Variants in RBFOX1 observed in about 807,000 individuals in gnomAD.
RBFOX1 encodes RNA binding protein fox-1 homolog 1.
Under a neutral mutation model 57.7 loss-of-function variants are expected in RBFOX1, and 8 were observed. The observed-to-expected ratio is 0.14, with a 90% CI of 0.08 to 0.25. The LOEUF (loss-of-function observed/expected upper bound fraction) is 0.25, where lower values mean the gene tolerates loss of function less well. Among genes scored for constraint, RBFOX1 ranks in the 10% least tolerant of loss-of-function variants. RBFOX1 has a pLI of 1.00. For missense variants in RBFOX1, 611 were observed against 548.5 expected (o/e 1.11, Z -1.14); for synonymous variants, 326 against 222.4 (o/e 1.47, Z -4.15).
intron 3 of RBFOX1, among the ~76,000 whole-genome samples, chr16:5,629,882 G>A (rs1483015429): frequency 6.6e-6 from 1 of 152,158 alleles, no homozygotes; most frequent in South Asian, 2.1e-4. Flanking sequence ...TCTTGAGTAG[G>A]AAAGTACCCA....
intron 4 of RBFOX1, among the ~76,000 whole-genome samples, chr16:7,156,511 A>G (rs555054560): frequency 2.0e-5 from 3 of 152,264 alleles, no homozygotes; most frequent in South Asian, 4.1e-4. Flanking sequence ...ATACATGTAC[A>G]CATGCATGTA....
intron 2 of RBFOX1, among the ~76,000 whole-genome samples, chr16:6,592,690 C>G (rs895813828): frequency 6.6e-6 from 1 of 152,152 alleles, no homozygotes; most frequent in Admixed American, 6.5e-5. Context: ...TCATAGTCCC[C>G]TGAGAAATGT....
intron 4 of RBFOX1, among the ~76,000 whole-genome samples, chr16:7,443,173 C>T (rs951562452): frequency 7.9e-5 from 12 of 152,204 alleles, no homozygotes; most frequent in African/African-American, 1.9e-4. Context: ...ATTCTAGGAT[C>T]GCGTGGTACA....
intron 1 of RBFOX1, among the ~76,000 whole-genome samples, chr16:5,425,753 G>A (rs553209408): frequency 3.3e-5 from 5 of 152,304 alleles, no homozygotes; most frequent in South Asian, 2.1e-4. Flanking sequence ...GGTCCACACT[G>A]TCCTCAGGTT....
At chr16:6,553,279 T>C (rs74005277) in intron 2 of RBFOX1, among the ~76,000 whole-genome samples, 1 of 152,178 alleles carries the variant, frequency 6.6e-6, no homozygotes, top group Non-Finnish European at 1.5e-5. Context: ...TTGCCACCGA[T>C]TTAGAGCAGA....
intron 1 of RBFOX1, among the ~76,000 whole-genome samples, chr16:6,192,480 C>T (rs2097148182): frequency 6.6e-6 from 1 of 152,026 alleles, no homozygotes; most frequent in Admixed American, 6.6e-5. Context: ...TTTCCCCTTC[C>T]TTCCTCCCAA....
intron 2 of RBFOX1, among the ~76,000 whole-genome samples, chr16:6,451,552 A>G (rs76402863): frequency 6.6e-6 from 1 of 152,058 alleles, no homozygotes; most frequent in Non-Finnish European, 1.5e-5. Flanking sequence ...GGAAGATCTG[A>G]TGTGTGTTTT....
At chr16:6,643,769 C>T (rs2098510986) in intron 2 of RBFOX1, among the ~76,000 whole-genome samples, 1 of 152,082 alleles carries the variant, frequency 6.6e-6, no homozygotes, top group Admixed American at 6.6e-5. Context: ...AATGGAAACA[C>T]TGGGCAAAAG....
At chr16:6,594,279 A>G (rs1327922349) in intron 2 of RBFOX1, among the ~76,000 whole-genome samples, 1 of 152,170 alleles carries the variant, frequency 6.6e-6, no homozygotes, top group Non-Finnish European at 1.5e-5. Context: ...ATTTAACAGA[A>G]CCATCTAGAC....
intron 2 of RBFOX1, among the ~76,000 whole-genome samples, chr16:6,371,619 C>T (rs1439102428): frequency 6.6e-6 from 1 of 152,048 alleles, no homozygotes; most frequent in African/African-American, 2.4e-5. Flanking sequence ...GTCCTAGAGC[C>T]AGGAGGCCAT....
chr16:6,004,632 T>C (rs1189908569), intron 4 of RBFOX1, among the ~76,000 whole-genome samples: 2 of 152,182 alleles, frequency 1.3e-5, no homozygotes. Context: ...ATGGAAGCCT[T>C]TCATTTTATT....
chr16:7,283,820 C>G (rs999598551), intron 4 of RBFOX1, among the ~76,000 whole-genome samples: 1 of 152,156 alleles, frequency 6.6e-6, no homozygotes, highest in Non-Finnish European at 1.5e-5. Context: ...GTAAAATGTA[C>G]TCATTTTAGC....
chr16:6,361,447 G>A (rs1181894034), intron 2 of RBFOX1, among the ~76,000 whole-genome samples: 2 of 151,904 alleles, frequency 1.3e-5, no homozygotes, highest in African/African-American at 4.8e-5. Context: ...GGCCAATATG[G>A]TGACACCCCG....
At chr16:6,663,458 A>T (rs1568110561) in intron 3 of RBFOX1, among the ~76,000 whole-genome samples, 1 of 152,128 alleles carries the variant, frequency 6.6e-6, no homozygotes, top group African/African-American at 2.4e-5. Flanking sequence ...GTAGGAGTGG[A>T]CTAGATCTGT....
chr16:5,405,950 C>G (rs575444662), intron 1 of RBFOX1, among the ~76,000 whole-genome samples: 1 of 152,258 alleles, frequency 6.6e-6, no homozygotes, highest in Admixed American at 6.5e-5. Flanking sequence ...GAAGAGAGAA[C>G]ATCGGGGACA....
intron 4 of RBFOX1, among the ~76,000 whole-genome samples, chr16:7,158,714 GT>G (rs2077659532): frequency 7.0e-6 from 1 of 142,384 alleles, no homozygotes; most frequent in Non-Finnish European, 1.6e-5. Flanking sequence ...GTGCATATGT[GT>G]GCATGCATCT....
intron 2 of RBFOX1, among the ~76,000 whole-genome samples, chr16:6,388,428 C>G (rs1382994295): frequency 6.6e-6 from 1 of 151,886 alleles, no homozygotes; most frequent in African/African-American, 2.4e-5. Flanking sequence ...TTCAATGGCA[C>G]CATTTAATGG....
At chr16:7,653,746 G>A (rs1044485630) in intron 11 of RBFOX1, 69 bp from the exon 12 acceptor site, 34 of 1,594,916 alleles carry the variant, frequency 2.1e-5, no homozygotes, top group Non-Finnish European at 2.7e-5. Flanking sequence ...TCCCGGGGCA[G>A]TTCCCTCCAC....
intron 2 of RBFOX1, among the ~76,000 whole-genome samples, chr16:6,552,627 C>T (rs1599632702): frequency 1.3e-5 from 2 of 152,206 alleles, no homozygotes; most frequent in South Asian, 4.1e-4. Context: ...CTTTTACCTT[C>T]TGAAATTTGG....
Sources: gnomAD v4.1 joint callset for allele counts (sites outside exome capture counted in the v4.1 genomes callset) on GRCh38, gnomAD v4.1.1 for gene constraint, MANE v1.5 for transcripts, NCBI Gene and HGNC (gene_info 2026-07-23, HGNC 2026-07-21) for gene names.